Variants in TAS2R1 observed in about 807,000 individuals in gnomAD.
The protein encoded by TAS2R1 is taste receptor type 2 member 1.
For missense variants in TAS2R1, 370 were observed against 353.4 expected, an observed-to-expected ratio of 1.05 and a Z score of -0.38; for synonymous variants, 141 against 134.2, an observed-to-expected ratio of 1.05 and a Z score of -0.35.
intron 2 of TAS2R1, among the ~76,000 whole-genome samples, chr5:9,642,827 A>C (rs1379592335): frequency 6.6e-6 from 1 of 152,204 alleles, no homozygotes; most frequent in African/African-American, 2.4e-5. Flanking sequence ...AGGAAACAGA[A>C]GCCACAGATG....
the TAS2R1 span, among the ~76,000 whole-genome samples, chr5:9,755,277 A>T: frequency 6.6e-6 from 1 of 152,166 alleles, no homozygotes; most frequent in African/African-American, 2.4e-5. Flanking sequence ...AGTGAAAGCA[A>T]CTTTATTAAG....
intron 1 of TAS2R1, among the ~76,000 whole-genome samples, chr5:9,692,012 T>G (rs573231620): frequency 6.6e-6 from 1 of 152,268 alleles, no homozygotes. Context: ...GGAGTTCCAT[T>G]CTCAGCTGTC....
At chr5:9,723,800 A>T in the TAS2R1 span, among the ~76,000 whole-genome samples, 1 of 152,246 alleles carries the variant, frequency 6.6e-6, no homozygotes, top group Non-Finnish European at 1.5e-5. Context: ...GCCGGGCACA[A>T]GGCTCCCAGC....
the TAS2R1 span, among the ~76,000 whole-genome samples, chr5:9,834,524 T>C: frequency 6.6e-6 from 1 of 152,178 alleles, no homozygotes; most frequent in Non-Finnish European, 1.5e-5. Context: ...GCTAATGTGT[T>C]CACACCTATG....
chr5:9,724,800 C>T, the TAS2R1 span, among the ~76,000 whole-genome samples: 1 of 152,174 alleles, frequency 6.6e-6, no homozygotes, highest in African/African-American at 2.4e-5. Flanking sequence ...GGAGCAGAGT[C>T]AGAAAGTGGG....
the TAS2R1 span, among the ~76,000 whole-genome samples, chr5:9,836,063 T>C: frequency 6.6e-6 from 1 of 152,046 alleles, no homozygotes; most frequent in Non-Finnish European, 1.5e-5. Flanking sequence ...GTCTTTCCCA[T>C]GCTGTTCTCG....
chr5:9,768,121 A>G, the TAS2R1 span, among the ~76,000 whole-genome samples: 1 of 151,930 alleles, frequency 6.6e-6, no homozygotes, highest in South Asian at 2.1e-4. Flanking sequence ...CCATCTGTCC[A>G]TCCTTACGTT....
At chr5:9,789,990 G>A in the TAS2R1 span, among the ~76,000 whole-genome samples, 1 of 152,212 alleles carries the variant, frequency 6.6e-6, no homozygotes, top group African/African-American at 2.4e-5. Flanking sequence ...GGCTCCTAAG[G>A]CCTCTGCCCA....
the TAS2R1 span, among the ~76,000 whole-genome samples, chr5:9,819,524 A>G: frequency 6.6e-6 from 1 of 152,214 alleles, no homozygotes; most frequent in African/African-American, 2.4e-5. Flanking sequence ...ATCCTCAGGC[A>G]TTGTGATCCA....
At chr5:9,789,303 T>A in the TAS2R1 span, among the ~76,000 whole-genome samples, 4 of 152,220 alleles carry the variant, frequency 2.6e-5, no homozygotes, top group Non-Finnish European at 5.9e-5. Flanking sequence ...ACTTTTGCTT[T>A]AAACCTGGCA....
chr5:9,685,421 T>C (rs1348582047), intron 1 of TAS2R1, among the ~76,000 whole-genome samples: 1 of 152,080 alleles, frequency 6.6e-6, no homozygotes, highest in Non-Finnish European at 1.5e-5. Context: ...CAAATACTTA[T>C]AATAACAATT....
chr5:9,734,783 C>A, the TAS2R1 span, among the ~76,000 whole-genome samples: 1 of 151,678 alleles, frequency 6.6e-6, no homozygotes, highest in African/African-American at 2.4e-5. Flanking sequence ...CACCCCCCAC[C>A]ACGGTGAACA....
At chr5:9,892,123 C>T in the TAS2R1 span, among the ~76,000 whole-genome samples, 2 of 152,162 alleles carry the variant, frequency 1.3e-5, no homozygotes, top group South Asian at 2.1e-4. Context: ...TCCCTTTGAC[C>T]CAGGAGGGGC....
chr5:9,722,785 C>T, the TAS2R1 span, among the ~76,000 whole-genome samples: 9 of 152,348 alleles, frequency 5.9e-5, no homozygotes, highest in Non-Finnish European at 1.0e-4. Flanking sequence ...ATATTCACAA[C>T]CCATACTGTT....
At chr5:9,810,994 G>A in the TAS2R1 span, among the ~76,000 whole-genome samples, 1 of 152,100 alleles carries the variant, frequency 6.6e-6, no homozygotes, top group East Asian at 1.9e-4. Flanking sequence ...GACCTCACGT[G>A]GATGTTCCTT....
chr5:9,663,141 G>A (rs140733427), intron 1 of TAS2R1, among the ~76,000 whole-genome samples: 37 of 151,810 alleles, frequency 2.4e-4, no homozygotes, highest in African/African-American at 8.0e-4. Context: ...AACTCATAAA[G>A]TTATCAGGAT....
At chr5:9,777,227 T>A in the TAS2R1 span, among the ~76,000 whole-genome samples, 2 of 152,206 alleles carry the variant, frequency 1.3e-5, no homozygotes, top group African/African-American at 2.4e-5. Flanking sequence ...TTTGATAACA[T>A]TTTACCCAGA....
chr5:9,878,091 G>A, the TAS2R1 span, among the ~76,000 whole-genome samples: 5 of 152,194 alleles, frequency 3.3e-5, no homozygotes, highest in Non-Finnish European at 7.3e-5. Flanking sequence ...ACTGCTATGT[G>A]TGGAGACCAT....
chr5:9,660,225 A>ATTTTTTTTT (rs35208333), intron 1 of TAS2R1, among the ~76,000 whole-genome samples: 388 of 88,756 alleles, frequency 4.4e-3, no homozygotes, highest in East Asian at 0.015. Context: ...CTCCCGGCTA[A>ATTTTTTTTT]TTTTTTTTTT....
Sources: gnomAD v4.1 joint callset for allele counts (sites outside exome capture counted in the v4.1 genomes callset) on GRCh38, gnomAD v4.1.1 for gene constraint, MANE v1.5 for transcripts, NCBI Gene and HGNC (gene_info 2026-07-23, HGNC 2026-07-21) for gene names.